The following RNF17 variants were observed in gnomAD, a reference collection of about 807,000 sequenced individuals.
The protein encoded by RNF17 is spermatogenesis associated 23.
In RNF17, 31 loss-of-function variants were observed where a neutral mutation model predicts 200.5. The ratio of observed to expected loss-of-function variants is 0.15; its 90% CI spans 0.12 to 0.21. The LOEUF is 0.21. Among genes scored for constraint, RNF17 ranks in the 10% least tolerant of loss-of-function variants. RNF17 has a pLI of 1.00. For synonymous variants in RNF17, 606 were observed against 637.8 expected (o/e 0.95, Z 0.75); for missense variants, 1,628 against 1,905.1 (o/e 0.85, Z 2.71).
chr13:24,853,856 A>G lies in RNF17; in HGVS notation c.3322A>G (p.Ile1108Val). ...TGTGTTCTTTTTTGGATGTTACAGA[A>G]TTAATAACTTAGATAACAGCCATTC... ...KKGLALRERR[I>V]NNLDNSHSLS... Residue 1108 changes from isoleucine to valine, a missense_variant and splice_region_variant, in exon 25 of 36, where the codon ATT (isoleucine) becomes GTT (valine). By Grantham distance (29) the Ile-to-Val change is conservative (BLOSUM62 3). Coordinates refer to ENST00000255324, the MANE Select transcript of RNF17 (RefSeq NM_031277.3). 1 of 1,596,964 alleles carries G rather than the reference A, an allele frequency of 6.3e-7. No homozygotes were observed. Among genetic ancestry groups the G allele is most frequent in the Non-Finnish European group, 8.5e-7 (1 of 1,172,900 alleles).
At chr13:24,815,810 A>G (rs188813976) in intron 15 of RNF17, among the ~76,000 whole-genome samples, 194 of 152,184 alleles carry the variant, frequency 1.3e-3, no homozygotes, top group Admixed American at 2.1e-3. Flanking sequence ...TCTTTTTTGC[A>G]ACAATTGAGA....
At chr13:24,790,544 C>T (rs141942819) in intron 9 of RNF17, among the ~76,000 whole-genome samples, 1 of 152,272 alleles carries the variant, frequency 6.6e-6, no homozygotes, top group South Asian at 2.1e-4. Context: ...AGCCACATGT[C>T]GTTAGTGACT....
chr13:24,806,681 G>A (rs1885886857), intron 15 of RNF17, among the ~76,000 whole-genome samples: 1 of 151,760 alleles, frequency 6.6e-6, no homozygotes, highest in Non-Finnish European at 1.5e-5. Flanking sequence ...AAGTTTTAGG[G>A]TACATGTGCA....
chr13:24,888,454 A>G, the RNF17 span, among the ~76,000 whole-genome samples: 3 of 152,226 alleles, frequency 2.0e-5, no homozygotes, highest in Non-Finnish European at 4.4e-5. Flanking sequence ...TAAATGTAAG[A>G]AAACATGCTC....
chr13:24,831,577 G>A (rs1889406657), intron 17 of RNF17, among the ~76,000 whole-genome samples: 1 of 152,152 alleles, frequency 6.6e-6, no homozygotes, highest in African/African-American at 2.4e-5. Flanking sequence ...CCTGTAACCT[G>A]CTTTTTACAA....
the RNF17 span, among the ~76,000 whole-genome samples, chr13:24,754,692 C>T: frequency 1.3e-5 from 2 of 152,084 alleles, no homozygotes; most frequent in African/African-American, 4.8e-5. Context: ...GGGTTTGAGA[C>T]TAGCCTGGAC....
In RNF17 at chr13:24,859,115, C is replaced by G. The variant is rs1289896984; in HGVS notation, c.3725C>G (p.Thr1242Ser). 6.2e-6 allele frequency: 10 copies of G among 1,612,174 alleles called. No homozygotes were observed. The Admixed American group carries it at 1.7e-4, about 27-fold the overall frequency. The change falls in exon 26 of 36, where the codon ACT becomes AGT. Residue 1242 changes from threonine (T) to serine (S), a missense_variant. Transcript: ENST00000255324. ...GCATGTGCAGTAAGAGGATCCGATA[C>G]TCTGTGGTATCGTGGCAAGGTGATG... Reference protein sequence around the residue: ...GEACAVRGSDTLWYRGKVMEV... With the variant: ...GEACAVRGSDSLWYRGKVMEV...
intron 24 of RNF17, 136 bp downstream of exon 24, chr13:24,851,707 C>T (rs1042103616): frequency 5.1e-6 from 3 of 585,988 alleles, no homozygotes; most frequent in Middle Eastern, 7.5e-4. Context: ...CCCTGAGGAG[C>T]CAGCTCAGAA....
At chr13:24,749,308 T>TTTTTC in the RNF17 span, among the ~76,000 whole-genome samples, 33 of 1,566 alleles carry the variant, frequency 0.021, 2 homozygotes, top group African/African-American at 0.033. Context: ...TCTTTCTTTC[T>TTTTTC]TTTTTTTTTT....
upstream of RNF17, chr13:24,764,067 A>C (rs1318096526): frequency 6.5e-6 from 5 of 773,868 alleles, no homozygotes; most frequent in East Asian, 1.0e-4. Flanking sequence ...CCCCATCAGG[A>C]GCGAGCTTGG....
chr13:24,812,221 G>T (rs1429188507), intron 15 of RNF17, among the ~76,000 whole-genome samples: 4 of 151,286 alleles, frequency 2.6e-5, no homozygotes, highest in Admixed American at 2.0e-4. Flanking sequence ...CTGGGCAATG[G>T]CGGGCGCCCC....
chr13:24,885,849 A>C, the RNF17 span: 1 of 601,810 alleles, frequency 1.7e-6, no homozygotes, highest in Non-Finnish European at 3.0e-6. Flanking sequence ...CTTAAGTCCT[A>C]GATGTCCAAG....
intron 33 of RNF17, 93 bp from the exon 34 acceptor site, chr13:24,876,904 A>C: frequency 9.8e-7 from 1 of 1,021,320 alleles, no homozygotes; most frequent in Non-Finnish European, 1.4e-6. Context: ...TGCAAAATCC[A>C]ATGTTATGAA....
intron 14 of RNF17, 73 bp from the exon 15 acceptor site, chr13:24,804,215 A>G (rs1401150256): frequency 7.2e-7 from 1 of 1,391,762 alleles, no homozygotes; most frequent in South Asian, 1.2e-5. Flanking sequence ...GTGAGCCATG[A>G]TAGCACCACT....
At chr13:24,824,142 T>C in intron 15 of RNF17, 1 of 704,674 alleles carries the variant, frequency 1.4e-6, no homozygotes, top group Non-Finnish European at 2.6e-6. Flanking sequence ...TTTAGAAAAT[T>C]GCTTTTACTT....
At chr13:24,774,189 A>G (rs913446081) in intron 2 of RNF17, among the ~76,000 whole-genome samples, 4 of 150,548 alleles carry the variant, frequency 2.7e-5, no homozygotes, top group African/African-American at 7.3e-5. Context: ...AGTTTTGAAC[A>G]TATGTTACTA....
intron 4 of RNF17, among the ~76,000 whole-genome samples, chr13:24,778,881 G>C (rs1419772350): frequency 6.6e-6 from 1 of 152,172 alleles, no homozygotes; most frequent in Non-Finnish European, 1.5e-5. Flanking sequence ...ATGATATTAA[G>C]TTTTTGTGTT....
At chr13:24,802,626 G>A in intron 14 of RNF17, 55 bp downstream of exon 14, 1 of 1,428,042 alleles carries the variant, frequency 7.0e-7, no homozygotes, top group South Asian at 1.4e-5. Context: ...ATAAATGAGA[G>A]TAGCAGATTT....
chr13:24,815,511 T>C (rs1887288850), intron 15 of RNF17, among the ~76,000 whole-genome samples: 1 of 151,430 alleles, frequency 6.6e-6, no homozygotes, highest in Non-Finnish European at 1.5e-5. Flanking sequence ...GAAGATCATG[T>C]CATCCATGAA....
Sources: allele counts gnomAD v4.1 joint callset (sites outside exome capture counted in the v4.1 genomes callset), GRCh38; gene constraint gnomAD v4.1.1; transcripts MANE v1.5; gene names NCBI Gene and HGNC (gene_info 2026-07-23, HGNC 2026-07-21).